Variants in BBS12 observed in about 807,000 individuals in gnomAD.
BBS12 encodes Bardet-Biedl syndrome 12, also known as chaperonin-containing T-complex member BBS12.
BBS12 carries 5 observed loss-of-function variants against 5.6 expected under a neutral mutation model. The observed-to-expected ratio is 0.89, with a 90% CI of 0.46 to 1.86. The LOEUF is 1.86. BBS12 is among the 40% of genes most tolerant of loss of function. The probability of loss-of-function intolerance (pLI) is 0.01; values close to 1 mark genes in which losing one functional copy is unlikely to be tolerated. For synonymous variants in BBS12, 308 were observed against 306.8 expected (o/e 1.00, Z -0.04); for missense variants, 748 against 830.4 (o/e 0.90, Z 1.22).
chr4:122,734,993 C>A (rs981122545), intron 1 of BBS12, among the ~76,000 whole-genome samples: 1 of 151,778 alleles, frequency 6.6e-6, no homozygotes, highest in Non-Finnish European at 1.5e-5. Flanking sequence ...TGGGTGAGTT[C>A]GAAAGAAATA....
At chr4:122,719,002 G>T in the BBS12 span, among the ~76,000 whole-genome samples, 1 of 152,006 alleles carries the variant, frequency 6.6e-6, no homozygotes, top group Admixed American at 6.6e-5. Context: ...TATATTTTTC[G>T]TAGAGACAGA....
chr4:122,731,608 C>T (rs1160404987), upstream of BBS12: 1 of 152,102 alleles, frequency 6.6e-6, no homozygotes, highest in African/African-American at 2.4e-5. Flanking sequence ...GTGCCAATTC[C>T]TTCTTTATCA....
At chr4:122,727,794 C>T (rs545484213), upstream of BBS12, among the ~76,000 whole-genome samples, 55 of 151,918 alleles carry the variant, frequency 3.6e-4, no homozygotes, top group Non-Finnish European at 6.2e-4. Flanking sequence ...CTGCCTCCCT[C>T]GGCCTCCCAA....
chr4:122,734,847 T>C (rs189386153), intron 1 of BBS12, among the ~76,000 whole-genome samples: 41 of 152,322 alleles, frequency 2.7e-4, no homozygotes, highest in Admixed American at 2.5e-3. Context: ...TTTTGAAAAC[T>C]AGCTATTAAC....
the BBS12 span, among the ~76,000 whole-genome samples, chr4:122,705,490 A>C: frequency 4.6e-5 from 7 of 152,258 alleles, no homozygotes; most frequent in Non-Finnish European, 1.0e-4. Context: ...AAAATCATTT[A>C]TCTAGTTCAG....
intron 1 of BBS12, among the ~76,000 whole-genome samples, chr4:122,741,103 T>G (rs1800864027): frequency 6.6e-6 from 1 of 152,232 alleles, no homozygotes; most frequent in Admixed American, 6.5e-5. Context: ...TTACTTGCTA[T>G]GGCACATAAT....
At chr4:122,727,544 A>ATTTTTTCTTTTTTTT in the BBS12 span, among the ~76,000 whole-genome samples, 1 of 82,302 alleles carries the variant, frequency 1.2e-5, no homozygotes. Context: ...CCCCTGGCCA[A>ATTTTTTCTTTTTTTT]TTTTTTTTTT....
the BBS12 span, among the ~76,000 whole-genome samples, chr4:122,726,854 T>C: frequency 6.6e-6 from 1 of 152,166 alleles, no homozygotes; most frequent in African/African-American, 2.4e-5. Context: ...AACTCAGGAA[T>C]AGAAAACCAA....
the BBS12 span, among the ~76,000 whole-genome samples, chr4:122,725,897 C>CAA: frequency 0.014 from 735 of 51,956 alleles, 38 homozygotes; most frequent in Middle Eastern, 0.054. Flanking sequence ...GACTCTGTCT[C>CAA]AAAAAAAAAA....
the BBS12 span, among the ~76,000 whole-genome samples, chr4:122,709,253 T>C: frequency 6.6e-6 from 1 of 152,316 alleles, no homozygotes; most frequent in African/African-American, 2.4e-5. Flanking sequence ...CAGGGTTTTG[T>C]GATTTTGGTC....
rs1800929365 is a variant in BBS12 at position 122,743,546 on chromosome 4, A to T, written c.1654A>T (p.Ile552Phe). 1 of 1,614,208 alleles carries T rather than the reference A, an allele frequency of 6.2e-7. No homozygotes were observed. Among genetic ancestry groups the T allele is most frequent in the African/African-American group, 1.3e-5 (1 of 75,052 alleles). Residue 552 changes from isoleucine to phenylalanine, a missense_variant, in exon 2 of 2, where the codon ATT becomes TTT. Coordinates refer to ENST00000314218, the MANE Select transcript of BBS12 (RefSeq NM_152618.3). ...VEFLCLSCLH[I>F]LAEQSLKKEN... ...ATTTTTGTGTCTTAGCTGTCTTCAT[A>T]TTCTTGCAGAGCAATCTCTGAAAAA...
rs1365279815 is a variant in BBS12, at chr4:122,741,792, AGCAG to A, written c.-10-89_-10-86del. 3.7e-6 allele frequency: 4 copies of A among 1,071,322 alleles called. No homozygotes were observed. The Admixed American group carries it at 8.8e-5, about 23-fold the overall frequency. The allele number at this position is 1,071,322 out of a possible 1,614,324, so 66.4% of individuals were successfully genotyped here. A position where few individuals can be genotyped will look rare whatever the true frequency, so the allele number is the denominator to read the frequency against. Reference sequence around the variant, plus strand: ...TCATGGAAATTATATGTACCTCAAAAGCAGGGAGCATATCTTGTTTTTATTTCTA... The same window carrying A: ...TCATGGAAATTATATGTACCTCAAAAGGAGCATATCTTGTTTTTATTTCTA... On this transcript the variant is annotated intron_variant, in intron 1 of 1. Coordinates refer to ENST00000314218, the MANE Select transcript of BBS12 (RefSeq NM_152618.3).
chr4:122,716,666 C>T, the BBS12 span, among the ~76,000 whole-genome samples: 1 of 116,090 alleles, frequency 8.6e-6, no homozygotes, highest in African/African-American at 3.7e-5. Flanking sequence ...TGCACATACA[C>T]ATATGTGTAT....
chr4:122,700,892 C>T, the BBS12 span, among the ~76,000 whole-genome samples: 1 of 152,202 alleles, frequency 6.6e-6, no homozygotes, highest in Non-Finnish European at 1.5e-5. Flanking sequence ...TTCTTCCTTT[C>T]TCTAAACATA....
the BBS12 span, among the ~76,000 whole-genome samples, chr4:122,727,145 CA>C: frequency 6.6e-6 from 1 of 152,132 alleles, no homozygotes. Context: ...CAATGCAAAT[CA>C]AAAGGCAAAT....
chr4:122,741,452 T>TG (rs1307501974), intron 1 of BBS12, among the ~76,000 whole-genome samples: 2 of 152,214 alleles, frequency 1.3e-5, no homozygotes, highest in African/African-American at 4.8e-5. Flanking sequence ...CCCAAAGTGC[T>TG]GGGATTATAG....
intron 1 of BBS12, among the ~76,000 whole-genome samples, chr4:122,738,541 G>A (rs911458705): frequency 6.6e-6 from 1 of 152,032 alleles, no homozygotes; most frequent in Admixed American, 6.6e-5. Flanking sequence ...AAAACATTTG[G>A]TCATCAAAAT....
In BBS12 at chr4:122,744,359, G is replaced by C; in HGVS notation, c.*334G>C. The C allele has an allele frequency of 3.5e-6, 1 of 283,506 alleles. No individual in the cohort carries two copies. The highest frequency in any genetic ancestry group is 7.1e-6 in the Non-Finnish European group (1 of 140,018). The allele number at this position is 283,506 out of a possible 1,614,324, so 17.6% of individuals were successfully genotyped here. On this transcript the variant is annotated 3_prime_UTR_variant, in exon 2 of 2. Transcript: ENST00000314218. The stretch of plus-strand genomic sequence containing the variant: ...AGTTCCCACAGGAGGAACACAAAGG[G>C]CCCATGATGAAAGCCTGCACACAGT...
intron 1 of BBS12, among the ~76,000 whole-genome samples, chr4:122,737,229 T>G (rs1484280617): frequency 2.0e-5 from 3 of 152,200 alleles, no homozygotes; most frequent in African/African-American, 7.2e-5. Context: ...GAATAAGGTT[T>G]GGAAGAAGGC....
Sources: allele counts gnomAD v4.1 joint callset (sites outside exome capture counted in the v4.1 genomes callset), GRCh38; gene constraint gnomAD v4.1.1; transcripts MANE v1.5; gene names NCBI Gene and HGNC (gene_info 2026-07-23, HGNC 2026-07-21).